The following ERAP1 variants were observed in gnomAD, a reference collection of about 807,000 sequenced individuals.
ERAP1 encodes endoplasmic reticulum aminopeptidase 1, also known as adipocyte-derived leucine aminopeptidase.
ERAP1 carries 86 observed loss-of-function variants against 103.7 expected under a neutral mutation model. The observed-to-expected ratio is 0.83, with a 90% CI of 0.70 to 0.99. The LOEUF (loss-of-function observed/expected upper bound fraction) is 0.99, where lower values mean the gene tolerates loss of function less well. Among genes scored for constraint, ERAP1 ranks in the 50% least tolerant of loss-of-function variants. The probability of loss-of-function intolerance (pLI) is 0.00; values close to 1 mark genes in which losing one functional copy is unlikely to be tolerated. For missense variants in ERAP1, 1,009 were observed against 1,128.4 expected, an observed-to-expected ratio of 0.89 and a Z score of 1.52; for synonymous variants, 398 against 402.4, an observed-to-expected ratio of 0.99 and a Z score of 0.13.
chr5:96,895,473 C>A, the ERAP1 span: 1 of 761,674 alleles, frequency 1.3e-6, no homozygotes, highest in Non-Finnish European at 2.2e-6. Context: ...GGTTTTTGAA[C>A]ATATGGCATT....
At chr5:96,791,584 C>T (rs1290616085) in intron 8 of ERAP1, among the ~76,000 whole-genome samples, 2 of 152,128 alleles carry the variant, frequency 1.3e-5, no homozygotes, top group Non-Finnish European at 1.5e-5. Context: ...TTTTTCTTCC[C>T]CAAGAGAAGC....
At chr5:96,880,709 G>T in the ERAP1 span, among the ~76,000 whole-genome samples, 1 of 152,186 alleles carries the variant, frequency 6.6e-6, no homozygotes, top group African/African-American at 2.4e-5. Flanking sequence ...CAAGGAACTA[G>T]TTTGGAAAAT....
the ERAP1 span, among the ~76,000 whole-genome samples, chr5:96,871,397 T>C: frequency 6.6e-6 from 1 of 152,252 alleles, no homozygotes; most frequent in Non-Finnish European, 1.5e-5. Flanking sequence ...CCCTACTCTA[T>C]CTTGGCCAGA....
intron 14 of ERAP1, among the ~76,000 whole-genome samples, chr5:96,783,539 G>A (rs1775547195): frequency 6.6e-6 from 1 of 152,170 alleles, no homozygotes; most frequent in South Asian, 2.1e-4. Flanking sequence ...AGCAAATTAT[G>A]CAACAAGACT....
intron 18 of ERAP1, 59 bp downstream of exon 18, chr5:96,780,364 A>C: frequency 8.0e-7 from 1 of 1,254,784 alleles, no homozygotes; most frequent in Non-Finnish European, 1.1e-6. Context: ...TCTACCCCAT[A>C]TTAATTAGCT....
chr5:96,914,582 A>C, the ERAP1 span, among the ~76,000 whole-genome samples: 15 of 152,230 alleles, frequency 9.9e-5, no homozygotes, highest in Non-Finnish European at 1.8e-4. Flanking sequence ...TTTCATTTTA[A>C]ACAGGAAATG....
the ERAP1 span, chr5:96,912,678 C>G: frequency 6.2e-7 from 1 of 1,610,500 alleles, no homozygotes; most frequent in East Asian, 2.2e-5. Context: ...TCTGTGGGTG[C>G]TCAGACAACA....
the ERAP1 span, among the ~76,000 whole-genome samples, chr5:96,874,172 AAG>A: frequency 1.2e-5 from 1 of 83,350 alleles, no homozygotes; most frequent in Admixed American, 1.3e-4. Context: ...GAAAGAAAGA[AAG>A]AAAGAAAGAG....
At chr5:96,807,787 C>A (rs947610601) in intron 1 of ERAP1, 73 bp downstream of exon 1, 4 of 963,562 alleles carry the variant, frequency 4.2e-6, no homozygotes, top group Non-Finnish European at 4.9e-6. Flanking sequence ...ACTTGACGGG[C>A]GCAGGGAAGG....
chr5:96,880,106 A>G, the ERAP1 span: 1 of 1,614,166 alleles, frequency 6.2e-7, no homozygotes, highest in Non-Finnish European at 8.5e-7. Flanking sequence ...GAAAGTTTTG[A>G]GTTACCCTGC....
chr5:96,892,452 AG>A, the ERAP1 span: 12 of 1,613,718 alleles, frequency 7.4e-6, no homozygotes, highest in Non-Finnish European at 1.0e-5. Context: ...CTGGCGCACC[AG>A]GTACTTGGCA....
At position 96,785,803 on chromosome 5, in the gene ERAP1, G is replaced by GAGA; in HGVS notation, c.1927_1928insTCT (p.Ala643delinsValSer). On this transcript the variant is annotated protein_altering_variant, in exon 13 of 19. Coordinates refer to ENST00000443439, the MANE Select transcript of ERAP1 (RefSeq NM_001040458.3). ...CGTGTATTACCTGACGAGCTGAAAT[G>GAGA]CATTGTTAATGAGACTCGCCCGATC... 1 of 1,614,132 alleles carries GAGA rather than the reference G, an allele frequency of 6.2e-7. No individual in the cohort carries two copies. Among genetic ancestry groups the GAGA allele is most frequent in the Non-Finnish European group, 8.5e-7 (1 of 1,179,998 alleles).
At chr5:96,918,815 G>A in the ERAP1 span, 3 of 152,260 alleles carry the variant, frequency 2.0e-5, no homozygotes, top group African/African-American at 4.8e-5. Flanking sequence ...ATAATTGAAT[G>A]TAAATATTTA....
the ERAP1 span, among the ~76,000 whole-genome samples, chr5:96,929,488 CCTTT>C: frequency 1.3e-5 from 2 of 151,106 alleles, no homozygotes; most frequent in South Asian, 2.1e-4. Flanking sequence ...TTCCTTCCTT[CCTTT>C]CTTTCTTCTT....
intron 3 of ERAP1, among the ~76,000 whole-genome samples, chr5:96,798,481 C>T (rs1054390861): frequency 5.3e-5 from 8 of 151,960 alleles, no homozygotes; most frequent in African/African-American, 1.7e-4. Flanking sequence ...ATAAAAAGCA[C>T]GGAGATGGAA....
the ERAP1 span, among the ~76,000 whole-genome samples, chr5:96,816,091 C>G: frequency 0.021 from 3,250 of 152,202 alleles, 60 homozygotes; most frequent in Non-Finnish European, 0.035. Flanking sequence ...CAGTGAACCT[C>G]AAAGGGCCAG....
chr5:96,807,796 G>A, intron 1 of ERAP1, 64 bp downstream of exon 1: 1 of 976,152 alleles, frequency 1.0e-6, no homozygotes, highest in Non-Finnish European at 1.2e-6. Context: ...GCGCAGGGAA[G>A]GGGCGGGTGC....
the ERAP1 span, among the ~76,000 whole-genome samples, chr5:96,854,404 G>T: frequency 6.6e-6 from 1 of 152,052 alleles, no homozygotes; most frequent in Non-Finnish European, 1.5e-5. Flanking sequence ...CTTTGAGCAG[G>T]TCTATGCACT....
the ERAP1 span, chr5:96,908,938 C>T: frequency 6.2e-7 from 1 of 1,604,126 alleles, no homozygotes; most frequent in Non-Finnish European, 8.5e-7. Flanking sequence ...GCACAAACCA[C>T]TGACATTTGT....
Sources: gnomAD v4.1 joint callset for allele counts (sites outside exome capture counted in the v4.1 genomes callset) on GRCh38, gnomAD v4.1.1 for gene constraint, MANE v1.5 for transcripts, NCBI Gene and HGNC (gene_info 2026-07-23, HGNC 2026-07-21) for gene names.